The following PRKD1 variants were observed in gnomAD, a reference collection of about 807,000 sequenced individuals.
PRKD1 encodes serine/threonine-protein kinase D1.
In PRKD1, 63 loss-of-function variants were observed where a neutral mutation model predicts 95.9. That is an observed-to-expected ratio of 0.66 (90% CI 0.54 to 0.81). PRKD1 has a LOEUF of 0.81. PRKD1 is among the 30% of genes least tolerant of loss of function. The pLI is 0.00. For missense variants in PRKD1, 1,048 were observed against 1,165.3 expected (o/e 0.90, Z 1.47); for synonymous variants, 425 against 423.1 (o/e 1.00, Z -0.05).
intron 2 of PRKD1, among the ~76,000 whole-genome samples, chr14:29,676,087 G>A (rs1388153276): frequency 6.6e-6 from 1 of 150,922 alleles, no homozygotes; most frequent in East Asian, 1.9e-4. Context: ...CCTGCACGTT[G>A]TGCACATGTA....
rs1418075369 is a variant in PRKD1, at chr14:29,630,019, TCTG to T, written c.1672+720_1672+722del. 2.9e-4 allele frequency among the ~76,000 whole-genome samples: 35 copies of T among 119,522 alleles called. No homozygotes were observed. The East Asian group carries it at 7.7e-3, about 26-fold the overall frequency. The allele number at this position is 119,522 out of a possible 152,430, so 78.4% of individuals were successfully genotyped here. A position where few individuals can be genotyped will look rare whatever the true frequency, so the allele number is the denominator to read the frequency against. On this transcript the variant is annotated intron_variant, in intron 10 of 17. Coordinates refer to ENST00000331968, the MANE Select transcript of PRKD1 (RefSeq NM_002742.3). ...TTCTTCTTCTCCTTCTCCTTCTTCT[TCTG>T]CTTCTTCTTCTTCTCCCTCTTCTTT...
At chr14:29,777,702 T>C (rs1457074970) in intron 1 of PRKD1, among the ~76,000 whole-genome samples, 1 of 152,052 alleles carries the variant, frequency 6.6e-6, no homozygotes, top group Non-Finnish European at 1.5e-5. Context: ...ATGGGAGACT[T>C]TACCACCCCA....
intron 1 of PRKD1, among the ~76,000 whole-genome samples, chr14:29,903,479 T>A (rs1440737554): frequency 1.3e-5 from 2 of 152,168 alleles, no homozygotes; most frequent in Non-Finnish European, 2.9e-5. Flanking sequence ...AGTACAGTTC[T>A]CTTTGTTGTC....
chr14:29,708,648 T>C (rs1447162440), intron 2 of PRKD1, among the ~76,000 whole-genome samples: 1 of 152,044 alleles, frequency 6.6e-6, no homozygotes, highest in Non-Finnish European at 1.5e-5. Context: ...AGCTCAGGAG[T>C]TCGAGACCAG....
chr14:29,896,263 G>A (rs1255116623), intron 1 of PRKD1, among the ~76,000 whole-genome samples: 2 of 152,050 alleles, frequency 1.3e-5, no homozygotes, highest in African/African-American at 4.8e-5. Context: ...TATGACACCA[G>A]AGCTTAAATC....
intron 4 of PRKD1, among the ~76,000 whole-genome samples, chr14:29,643,352 A>T (rs1880925188): frequency 6.6e-6 from 1 of 152,168 alleles, no homozygotes; most frequent in Admixed American, 6.5e-5. Context: ...CAGGAATAGA[A>T]ATTAAATAAA....
chr14:29,884,147 A>G (rs1201235179), intron 1 of PRKD1, among the ~76,000 whole-genome samples: 2 of 152,248 alleles, frequency 1.3e-5, no homozygotes, highest in African/African-American at 4.8e-5. Context: ...GCAAGGCTAC[A>G]GATGAAAATA....
At chr14:29,704,943 T>C (rs2139337859) in intron 2 of PRKD1, among the ~76,000 whole-genome samples, 1 of 152,250 alleles carries the variant, frequency 6.6e-6, no homozygotes. Context: ...ATATTTGTCC[T>C]ATCAAGGCTA....
chr14:29,886,847 C>T (rs766443975), intron 1 of PRKD1, among the ~76,000 whole-genome samples: 2 of 152,208 alleles, frequency 1.3e-5, no homozygotes, highest in East Asian at 3.8e-4. Flanking sequence ...TTATATTTAA[C>T]TTATCACAGC....
intron 1 of PRKD1, among the ~76,000 whole-genome samples, chr14:29,782,632 G>T (rs1346394466): frequency 1.3e-5 from 2 of 152,034 alleles, no homozygotes; most frequent in African/African-American, 4.8e-5. Context: ...CCAGGCTCAA[G>T]AGTTCTTCCC....
intron 1 of PRKD1, among the ~76,000 whole-genome samples, chr14:29,849,609 A>G (rs1283495270): frequency 6.6e-6 from 1 of 152,028 alleles, no homozygotes; most frequent in Non-Finnish European, 1.5e-5. Flanking sequence ...AAAACGCCCT[A>G]AACAGATGGA....
At chr14:29,790,949 C>T (rs1284346357) in intron 1 of PRKD1, among the ~76,000 whole-genome samples, 1 of 152,270 alleles carries the variant, frequency 6.6e-6, no homozygotes, top group South Asian at 2.1e-4. Flanking sequence ...CATAGCTCCT[C>T]TTCAGTCTAG....
chr14:29,696,276 T>G (rs999123717), intron 2 of PRKD1, among the ~76,000 whole-genome samples: 2 of 152,160 alleles, frequency 1.3e-5, no homozygotes, highest in African/African-American at 4.8e-5. Context: ...ATGTACTAAG[T>G]TTTTATTTTT....
chr14:29,832,417 T>A (rs991324728), intron 1 of PRKD1, among the ~76,000 whole-genome samples: 1 of 152,224 alleles, frequency 6.6e-6, no homozygotes, highest in African/African-American at 2.4e-5. Context: ...TCTTATTGAT[T>A]TATAAGACTT....
In PRKD1 at chr14:29,909,523, T is replaced by A. The variant is rs528517162; in HGVS notation, c.264+17726A>T. Among the ~76,000 whole-genome samples the A allele has an allele frequency of 2.0e-5, 3 of 152,272 alleles. 1 individual carries two copies. Among genetic ancestry groups the A allele is most frequent in the African/African-American group, 7.2e-5 (3 of 41,550 alleles). On this transcript the variant is annotated intron_variant, in intron 1 of 17. Coordinates refer to ENST00000331968, the MANE Select transcript of PRKD1 (RefSeq NM_002742.3). ...ACCTTTATGTCTAGCTAAGGGATTGTAGATACACCAATCAGCCCTCTGTGT... is the reference window on the plus strand; with the variant it reads ...ACCTTTATGTCTAGCTAAGGGATTGAAGATACACCAATCAGCCCTCTGTGT...
intron 1 of PRKD1, among the ~76,000 whole-genome samples, chr14:29,842,339 T>C (rs373304381): frequency 3.3e-5 from 5 of 152,258 alleles, no homozygotes; most frequent in South Asian, 4.1e-4. Context: ...TTTAAACAAC[T>C]GGCAGTCAAT....
intron 4 of PRKD1, among the ~76,000 whole-genome samples, chr14:29,661,851 T>C (rs957405523): frequency 6.6e-6 from 1 of 152,214 alleles, no homozygotes; most frequent in African/African-American, 2.4e-5. Context: ...AATATCTGAT[T>C]TGATCATAAT....
chr14:29,620,240 T>C (rs1879155755), intron 13 of PRKD1, among the ~76,000 whole-genome samples: 1 of 151,174 alleles, frequency 6.6e-6, no homozygotes, highest in African/African-American at 2.4e-5. Flanking sequence ...AACCTAGGCA[T>C]TACCATTCAG....
intron 1 of PRKD1, among the ~76,000 whole-genome samples, chr14:29,898,137 G>A (rs549589397): frequency 5.9e-4 from 89 of 152,090 alleles, no homozygotes; most frequent in African/African-American, 1.8e-3. Context: ...TTTTGCTTTC[G>A]AAGTCAGTGG....
Sources: allele counts gnomAD v4.1 joint callset (sites outside exome capture counted in the v4.1 genomes callset), GRCh38; gene constraint gnomAD v4.1.1; transcripts MANE v1.5; gene names NCBI Gene and HGNC (gene_info 2026-07-23, HGNC 2026-07-21).